The following LRRC4C variants were observed in gnomAD, a reference collection of about 807,000 sequenced individuals.
LRRC4C encodes leucine rich repeat containing 4C, also known as leucine-rich repeat-containing protein 4C.
In LRRC4C, 5 loss-of-function variants were observed where a neutral mutation model predicts 33.6. The ratio of observed to expected loss-of-function variants is 0.15; its 90% CI spans 0.08 to 0.31. The LOEUF (loss-of-function observed/expected upper bound fraction) is 0.31, where lower values mean the gene tolerates loss of function less well. Among genes scored for constraint, LRRC4C ranks in the 10% least tolerant of loss-of-function variants. LRRC4C has a pLI of 1.00. For missense variants in LRRC4C, 560 were observed against 796.7 expected (o/e 0.70, Z 3.58); for synonymous variants, 329 against 302.0 (o/e 1.09, Z -0.93).
chr11:40,796,821 A>G (rs554935334), intron 2 of LRRC4C, among the ~76,000 whole-genome samples: 11 of 151,818 alleles, frequency 7.2e-5, no homozygotes, highest in South Asian at 2.1e-4. Flanking sequence ...TAATTTTGGT[A>G]TTTTTAGTAG....
chr11:40,443,052 G>A (rs1378493479), intron 3 of LRRC4C, among the ~76,000 whole-genome samples: 1 of 152,114 alleles, frequency 6.6e-6, no homozygotes, highest in Non-Finnish European at 1.5e-5. Flanking sequence ...CTCATTACAT[G>A]TTTAATTTCT....
intron 1 of LRRC4C, among the ~76,000 whole-genome samples, chr11:41,216,787 T>C (rs1389029562): frequency 6.6e-6 from 1 of 151,952 alleles, no homozygotes; most frequent in Non-Finnish European, 1.5e-5. Context: ...AGATTTTGCA[T>C]GATCTCCTCT....
chr11:41,046,224 G>A (rs1014574107), intron 1 of LRRC4C, among the ~76,000 whole-genome samples: 2 of 152,066 alleles, frequency 1.3e-5, no homozygotes, highest in Non-Finnish European at 2.9e-5. Flanking sequence ...TTGGTTACAT[G>A]TTTTCTATCA....
chr11:41,073,329 A>G (rs908566941), intron 1 of LRRC4C, among the ~76,000 whole-genome samples: 2 of 141,122 alleles, frequency 1.4e-5, no homozygotes, highest in Non-Finnish European at 3.1e-5. Flanking sequence ...GGGGAAAGTG[A>G]GGGGTTTTTT....
chr11:40,256,665 AG>A (rs1189121199), intron 4 of LRRC4C, among the ~76,000 whole-genome samples: 7 of 152,314 alleles, frequency 4.6e-5, no homozygotes, highest in Admixed American at 3.9e-4. Flanking sequence ...CAAATCAAGA[AG>A]GAAGATACAA....
chr11:40,137,979 T>C (rs1050448359), intron 6 of LRRC4C, among the ~76,000 whole-genome samples: 2 of 152,196 alleles, frequency 1.3e-5, no homozygotes, highest in Non-Finnish European at 2.9e-5. Flanking sequence ...TGACAGGCAC[T>C]AACTTACATA....
chr11:40,582,169 C>G (rs1052136196), intron 3 of LRRC4C, among the ~76,000 whole-genome samples: 5 of 152,034 alleles, frequency 3.3e-5, no homozygotes, highest in Non-Finnish European at 5.9e-5. Flanking sequence ...TACTACCAAT[C>G]CATAGATACT....
intron 1 of LRRC4C, among the ~76,000 whole-genome samples, chr11:41,437,239 G>A (rs1955458162): frequency 1.3e-5 from 2 of 152,070 alleles, no homozygotes; most frequent in Non-Finnish European, 2.9e-5. Flanking sequence ...AATATTCAAA[G>A]GTCAACCATT....
In LRRC4C at chr11:40,317,223, G is replaced by T. The variant is rs139803882; in HGVS notation, c.-176+2405C>A. The stretch of plus-strand genomic sequence containing the variant: ...GGAGCAGGACATCCTACTGACTTAG[G>T]ACTACTTTATTCCTTTTTAAATATT... On this transcript the variant is annotated intron_variant, in intron 4 of 6. Coordinates refer to ENST00000528697, the MANE Select transcript of LRRC4C (RefSeq NM_001258419.2). 4.3e-3 allele frequency among the ~76,000 whole-genome samples: 642 copies of T among 150,936 alleles called. 12 individuals are homozygous for T. The highest frequency in any genetic ancestry group is 0.015 in the African/African-American group (610 of 40,636).
intron 1 of LRRC4C, among the ~76,000 whole-genome samples, chr11:41,204,484 AG>A (rs1373896075): frequency 2.6e-5 from 4 of 152,192 alleles, no homozygotes; most frequent in Admixed American, 2.0e-4. Flanking sequence ...ATTGTCAGTC[AG>A]GCAACATGAC....
intron 3 of LRRC4C, among the ~76,000 whole-genome samples, chr11:40,472,141 G>A (rs141575214): frequency 0.14 from 21,339 of 151,738 alleles, 1,564 homozygotes; most frequent in Admixed American, 0.15. Context: ...TTAGCTGGTC[G>A]TGGTTGCGCA....
chr11:41,094,261 T>C (rs1373699386), intron 1 of LRRC4C, among the ~76,000 whole-genome samples: 1 of 151,968 alleles, frequency 6.6e-6, no homozygotes, highest in Non-Finnish European at 1.5e-5. Context: ...GTGACTAGAA[T>C]GTCCTGGCCT....
chr11:40,183,276 C>A (rs1002785506), intron 5 of LRRC4C, among the ~76,000 whole-genome samples: 2 of 152,066 alleles, frequency 1.3e-5, no homozygotes, highest in Non-Finnish European at 2.9e-5. Flanking sequence ...CACTGAAAGG[C>A]AAATTGGACA....
intron 2 of LRRC4C, among the ~76,000 whole-genome samples, chr11:40,905,519 C>A (rs1354532921): frequency 6.6e-6 from 1 of 152,162 alleles, no homozygotes; most frequent in Non-Finnish European, 1.5e-5. Context: ...GGGATTGAGG[C>A]AACAAGGAAA....
At chr11:41,209,092 G>A (rs11036289) in intron 1 of LRRC4C, among the ~76,000 whole-genome samples, 2,834 of 151,286 alleles carry the variant, frequency 0.019, 31 homozygotes, top group Non-Finnish European at 0.03. Flanking sequence ...AAAAAAACCC[G>A]TTAGGTACTA....
intron 1 of LRRC4C, among the ~76,000 whole-genome samples, chr11:41,389,034 G>A (rs1249181161): frequency 6.6e-6 from 1 of 151,760 alleles, no homozygotes; most frequent in African/African-American, 2.4e-5. Flanking sequence ...GAAGGGATAC[G>A]ATGGCATGGT....
chr11:41,027,489 CAACT>C (rs1590282913), intron 1 of LRRC4C, among the ~76,000 whole-genome samples: 1 of 151,634 alleles, frequency 6.6e-6, no homozygotes, highest in East Asian at 1.9e-4. Context: ...TAGATGTAGA[CAACT>C]AATAAGGTCA....
At chr11:40,865,947 G>A (rs955016668) in intron 2 of LRRC4C, among the ~76,000 whole-genome samples, 1 of 151,646 alleles carries the variant, frequency 6.6e-6, no homozygotes, top group Non-Finnish European at 1.5e-5. Context: ...AAAATCTGTA[G>A]ATTTTTTTAA....
At chr11:40,569,081 A>C (rs939478744) in intron 3 of LRRC4C, among the ~76,000 whole-genome samples, 1 of 152,198 alleles carries the variant, frequency 6.6e-6, no homozygotes, top group Non-Finnish European at 1.5e-5. Context: ...ACATTTTCTT[A>C]AATAAATATA....
Sources: gnomAD v4.1 joint callset for allele counts (sites outside exome capture counted in the v4.1 genomes callset) on GRCh38, gnomAD v4.1.1 for gene constraint, MANE v1.5 for transcripts, NCBI Gene and HGNC (gene_info 2026-07-23, HGNC 2026-07-21) for gene names.